The following DSCAM variants were observed in gnomAD, a reference collection of about 807,000 sequenced individuals.
DSCAM encodes cell adhesion molecule DSCAM.
A neutral mutation model predicts 217.7 loss-of-function variants in DSCAM; 47 were observed. The observed-to-expected ratio is 0.22, with a 90% CI of 0.17 to 0.28. The LOEUF (loss-of-function observed/expected upper bound fraction) is 0.28, where lower values mean the gene tolerates loss of function less well. DSCAM is among the 10% of genes least tolerant of loss of function. The pLI is 1.00. For synonymous variants in DSCAM, 1,056 were observed against 1,015.3 expected (o/e 1.04, Z -0.76); for missense variants, 2,080 against 2,618.3 (o/e 0.79, Z 4.49).
intron 11 of DSCAM, among the ~76,000 whole-genome samples, chr21:40,235,890 A>G (rs1411799499): frequency 6.6e-6 from 1 of 152,206 alleles, no homozygotes; most frequent in Non-Finnish European, 1.5e-5. Context: ...ACTAAGAAAA[A>G]AAGCTCACTG....
chr21:40,522,921 G>A (rs2076370630), intron 3 of DSCAM, among the ~76,000 whole-genome samples: 1 of 152,066 alleles, frequency 6.6e-6, no homozygotes, highest in Non-Finnish European at 1.5e-5. Flanking sequence ...GACATTCAAT[G>A]AACAATTTAC....
intron 14 of DSCAM, among the ~76,000 whole-genome samples, chr21:40,180,877 C>G (rs960959562): frequency 2.0e-5 from 3 of 151,904 alleles, no homozygotes; most frequent in Non-Finnish European, 4.4e-5. Flanking sequence ...GGGACAGTCC[C>G]CTCTTGGTGG....
chr21:40,823,293 T>TAA (rs139852728), intron 1 of DSCAM, among the ~76,000 whole-genome samples: 3 of 149,398 alleles, frequency 2.0e-5, no homozygotes, highest in African/African-American at 4.9e-5. Context: ...AGATAAACCA[T>TAA]AAAAAAAAAC....
At chr21:40,568,625 T>C (rs2146199486) in intron 3 of DSCAM, among the ~76,000 whole-genome samples, 1 of 152,378 alleles carries the variant, frequency 6.6e-6, no homozygotes, top group South Asian at 2.1e-4. Context: ...GAAGTTATAT[T>C]GATTTTTATT....
chr21:40,191,026 G>T (rs2090947785), intron 11 of DSCAM, among the ~76,000 whole-genome samples: 1 of 152,188 alleles, frequency 6.6e-6, no homozygotes, highest in South Asian at 2.1e-4. Flanking sequence ...ATCACAGGAA[G>T]AAGCTCCCTT....
chr21:40,813,469 G>C (rs1260100493), intron 1 of DSCAM, among the ~76,000 whole-genome samples: 1 of 152,062 alleles, frequency 6.6e-6, no homozygotes, highest in Non-Finnish European at 1.5e-5. Flanking sequence ...TTCCCTCTTA[G>C]CACTGCTTTT....
At chr21:40,072,070 T>C (rs2089299313) in intron 27 of DSCAM, among the ~76,000 whole-genome samples, 1 of 152,226 alleles carries the variant, frequency 6.6e-6, no homozygotes, top group Non-Finnish European at 1.5e-5. Context: ...TTGCAAGCCT[T>C]GACCCACTGC....
intron 3 of DSCAM, among the ~76,000 whole-genome samples, chr21:40,579,591 C>T (rs1289201579): frequency 6.6e-6 from 1 of 152,082 alleles, no homozygotes; most frequent in Non-Finnish European, 1.5e-5. Context: ...CCATGTCTTG[C>T]CTATATGAAA....
chr21:40,592,725 C>T (rs974807002), intron 3 of DSCAM, among the ~76,000 whole-genome samples: 2 of 152,174 alleles, frequency 1.3e-5, no homozygotes, highest in African/African-American at 4.8e-5. Flanking sequence ...TCACCCTCAC[C>T]CCATGTCATC....
At chr21:40,712,918 ACAGGAAAGCCTACATACTGATGT>A (rs1386725355) in intron 1 of DSCAM, among the ~76,000 whole-genome samples, 15 of 152,180 alleles carry the variant, frequency 9.9e-5, no homozygotes, top group African/African-American at 3.6e-4. Context: ...TCCACTATGA[ACAGGAAAGCCTACATACTGATGT>A]GAATTCTGCT....
chr21:40,272,599 G>A (rs567379399), intron 11 of DSCAM, among the ~76,000 whole-genome samples: 179 of 152,236 alleles, frequency 1.2e-3, no homozygotes, highest in Admixed American at 2.2e-3. Context: ...TGCAGGGTTC[G>A]CAGGATCTCA....
Position 40,255,736 on chromosome 21 carries a change from G to C in DSCAM, c.2356+20361C>G, listed in dbSNP as rs77167905. ...CCCCACACTTGGCTAATTCTGAGAT[G>C]TAAGTGATTATATGCAAGGAATAGA... On this transcript the variant is annotated intron_variant, in intron 11 of 32. Coordinates refer to ENST00000400454, the MANE Select transcript of DSCAM (RefSeq NM_001389.5). Among the ~76,000 whole-genome samples the C allele has an allele frequency of 1.3e-3, 198 of 152,344 alleles. 3 individuals carry two copies. The South Asian group carries it at 0.014, about 11-fold the overall frequency.
intron 3 of DSCAM, among the ~76,000 whole-genome samples, chr21:40,397,668 G>C (rs1179208378): frequency 6.6e-6 from 1 of 152,080 alleles, no homozygotes; most frequent in South Asian, 2.1e-4. Flanking sequence ...AACCCCTAGT[G>C]TTTTGGCAAC....
intron 1 of DSCAM, among the ~76,000 whole-genome samples, chr21:40,736,888 C>T (rs1395698162): frequency 1.3e-5 from 2 of 151,994 alleles, no homozygotes. Flanking sequence ...AACTACTCCA[C>T]AAGAAGAAGA....
intron 3 of DSCAM, among the ~76,000 whole-genome samples, chr21:40,370,619 G>T (rs921621480): frequency 6.9e-6 from 1 of 145,184 alleles, no homozygotes; most frequent in Non-Finnish European, 1.5e-5. Flanking sequence ...AATTAAAAAT[G>T]GTTTATGGTT....
chr21:40,197,268 A>G (rs1050177795), intron 11 of DSCAM, among the ~76,000 whole-genome samples: 16 of 151,994 alleles, frequency 1.1e-4, no homozygotes, highest in African/African-American at 3.1e-4. Flanking sequence ...ACAGGCGCCC[A>G]CAACCACGCC....
intron 9 of DSCAM, among the ~76,000 whole-genome samples, chr21:40,301,606 A>ACCCT (rs1358208657): frequency 1.3e-5 from 2 of 152,118 alleles, no homozygotes; most frequent in East Asian, 1.9e-4. Flanking sequence ...AGCCTTTATT[A>ACCCT]CGCTCATCTG....
At chr21:40,775,869 C>A (rs912088655) in intron 1 of DSCAM, among the ~76,000 whole-genome samples, 12 of 152,242 alleles carry the variant, frequency 7.9e-5, no homozygotes, top group African/African-American at 2.2e-4. Context: ...CGGTGGCGAA[C>A]CTTTGCAGTT....
chr21:40,639,518 T>C (rs998172841), intron 3 of DSCAM, among the ~76,000 whole-genome samples: 1 of 152,198 alleles, frequency 6.6e-6, no homozygotes, highest in Non-Finnish European at 1.5e-5. Flanking sequence ...ATTTGAACGA[T>C]TTTGAAAGAA....
Sources: allele counts gnomAD v4.1 joint callset (sites outside exome capture counted in the v4.1 genomes callset), GRCh38; gene constraint gnomAD v4.1.1; transcripts MANE v1.5; gene names NCBI Gene and HGNC (gene_info 2026-07-23, HGNC 2026-07-21).